ERN1: variants seen among roughly 807,000 people sequenced by gnomAD.
ERN1 encodes the protein serine/threonine-protein kinase/endoribonuclease IRE1.
A neutral mutation model predicts 113.1 loss-of-function variants in ERN1; 39 were observed. The ratio of observed to expected loss-of-function variants is 0.34; its 90% CI spans 0.27 to 0.45. The LOEUF (loss-of-function observed/expected upper bound fraction) is 0.45. Among genes scored for constraint, ERN1 ranks in the 20% least tolerant of loss-of-function variants. The probability of loss-of-function intolerance (pLI) is 1.00; values close to 1 mark genes in which losing one functional copy is unlikely to be tolerated. For synonymous variants in ERN1, 507 were observed against 515.9 expected (o/e 0.98, Z 0.23); for missense variants, 976 against 1,274.8 (o/e 0.77, Z 3.57).
At chr17:64,102,771 T>A in intron 1 of ERN1, 1 of 985,312 alleles carries the variant, frequency 1.0e-6, no homozygotes, top group Non-Finnish European at 1.2e-6. Context: ...ACAAGCAACA[T>A]ACCCTACGGC....
At chr17:64,053,599 C>T (rs1430538993) in intron 15 of ERN1, among the ~76,000 whole-genome samples, 1 of 152,130 alleles carries the variant, frequency 6.6e-6, no homozygotes, top group Non-Finnish European at 1.5e-5. Flanking sequence ...AGTAAACCTA[C>T]AAAGGAATCC....
At chr17:64,080,130 T>C (rs1913722043) in intron 3 of ERN1, among the ~76,000 whole-genome samples, 1 of 152,224 alleles carries the variant, frequency 6.6e-6, no homozygotes, top group African/African-American at 2.4e-5. Context: ...GATGGCATGG[T>C]ACATAAACAG....
intron 1 of ERN1, among the ~76,000 whole-genome samples, chr17:64,108,920 C>T (rs1162494399): frequency 3.3e-5 from 5 of 152,064 alleles, no homozygotes; most frequent in African/African-American, 7.2e-5. Context: ...GTCAGGAGTT[C>T]GCGACCAGCC....
chr17:64,128,756 T>G (rs1489362596), intron 1 of ERN1: 2 of 152,108 alleles, frequency 1.3e-5, no homozygotes, highest in Admixed American at 1.3e-4. Flanking sequence ...CAAGTTCTAT[T>G]ATAAAGAGTC....
intron 1 of ERN1, among the ~76,000 whole-genome samples, chr17:64,119,471 C>G (rs1296613775): frequency 6.9e-6 from 1 of 145,592 alleles, no homozygotes; most frequent in Non-Finnish European, 1.5e-5. Flanking sequence ...TCACTGCAAC[C>G]TCTGCCTCCT....
At chr17:64,117,351 G>A (rs1367904473) in intron 1 of ERN1, among the ~76,000 whole-genome samples, 1 of 151,432 alleles carries the variant, frequency 6.6e-6, no homozygotes, top group Non-Finnish European at 1.5e-5. Context: ...GCTGAAGCAC[G>A]AAAATCACTT....
At chr17:64,116,654 A>C (rs1251491139) in intron 1 of ERN1, among the ~76,000 whole-genome samples, 1 of 149,674 alleles carries the variant, frequency 6.7e-6, no homozygotes, top group African/African-American at 2.5e-5. Flanking sequence ...AAAAAAAAAT[A>C]ACACACACAC....
Position 64,075,203 on chromosome 17 carries a change from G to T in ERN1, c.327C>A (p.Cys109Ter). 6.5e-7 allele frequency: 1 copy of T among 1,529,450 alleles called. No homozygotes were observed. The highest frequency in any genetic ancestry group is 8.8e-7 in the Non-Finnish European group (1 of 1,138,464). The allele number at this position is 1,529,450 out of a possible 1,614,324, so 94.7% of individuals were successfully genotyped here. ...TGTAGAGGATTCCATCTGAACTTCGGCATGGGGATGCCTGCACCAATTCTG... is the reference window on the plus strand; with the variant it reads ...TGTAGAGGATTCCATCTGAACTTCGTCATGGGGATGCCTGCACCAATTCTG... Reference protein sequence around the residue: ...TIPELVQASPCRSSDGILYMG... With the variant: ...TIPELVQASP The change falls in exon 5 of 22, where the codon TGC becomes TGA. Residue 109 changes from cysteine (C) to a stop codon, truncating the protein, a stop_gained. Transcript: ENST00000433197. LOFTEE classifies it high-confidence loss of function.
At chr17:64,097,583 T>C (rs776896420) in intron 2 of ERN1, among the ~76,000 whole-genome samples, 2 of 152,144 alleles carry the variant, frequency 1.3e-5, no homozygotes, top group Non-Finnish European at 2.9e-5. Context: ...ACCAGGAAGA[T>C]CAGATCATAA....
chr17:64,077,903 A>C (rs1055802798), intron 4 of ERN1, among the ~76,000 whole-genome samples: 1 of 151,988 alleles, frequency 6.6e-6, no homozygotes, highest in African/African-American at 2.4e-5. Flanking sequence ...CCGCCACCGC[A>C]CCTGGCTAAT....
chr17:64,071,666 C>A (rs929716323), intron 6 of ERN1, among the ~76,000 whole-genome samples: 2 of 152,174 alleles, frequency 1.3e-5, no homozygotes, highest in African/African-American at 2.4e-5. Flanking sequence ...AGGTGATCCA[C>A]CTGCCTCGGC....
At chr17:64,061,585 T>C (rs1913055606) in intron 10 of ERN1, among the ~76,000 whole-genome samples, 1 of 152,204 alleles carries the variant, frequency 6.6e-6, no homozygotes. Flanking sequence ...TACAACATAA[T>C]ATCATTCTTT....
intron 10 of ERN1, among the ~76,000 whole-genome samples, chr17:64,061,129 T>C (rs196936): frequency 0.96 from 146,205 of 152,264 alleles, 70,495 homozygotes; most frequent in East Asian, 1. Context: ...GGCCATAGCT[T>C]GCTCCACGTT....
chr17:64,071,627 G>A (rs778721313), intron 6 of ERN1, among the ~76,000 whole-genome samples: 1 of 152,088 alleles, frequency 6.6e-6, no homozygotes, highest in African/African-American at 2.4e-5. Context: ...TCGCCATGTT[G>A]GTCAGGCTGG....
At chr17:64,101,141 A>G (rs894070970) in intron 1 of ERN1, among the ~76,000 whole-genome samples, 2 of 152,178 alleles carry the variant, frequency 1.3e-5, no homozygotes, top group Non-Finnish European at 2.9e-5. Flanking sequence ...GTGGTGACTC[A>G]TGACTACATG....
At chr17:64,089,584 C>A (rs1400310021) in intron 2 of ERN1, among the ~76,000 whole-genome samples, 1 of 152,118 alleles carries the variant, frequency 6.6e-6, no homozygotes, top group East Asian at 1.9e-4. Context: ...AAGGGATATT[C>A]AACCTGTACA....
intron 1 of ERN1, among the ~76,000 whole-genome samples, chr17:64,114,389 G>C (rs1914751958): frequency 6.6e-6 from 1 of 152,208 alleles, no homozygotes; most frequent in Non-Finnish European, 1.5e-5. Context: ...TGTGATGGTG[G>C]GGGAAGCACA....
chr17:64,077,955 G>C (rs1913649727), intron 4 of ERN1, among the ~76,000 whole-genome samples: 1 of 151,872 alleles, frequency 6.6e-6, no homozygotes, highest in South Asian at 2.1e-4. Flanking sequence ...CCATGGTCTC[G>C]ATCTCCTGAC....
chr17:64,075,127 G>C lies in ERN1; in HGVS notation c.355+48C>G, dbSNP rs372090447. On this transcript the variant is annotated intron_variant, in intron 5 of 21. Coordinates refer to ENST00000433197, the MANE Select transcript of ERN1 (RefSeq NM_001433.5). ...TCCGCATGCCACTTTCCCAGATTCC[G>C]GGACTTACATCAAAGAGACACAAGT... 16 of 1,441,134 alleles carry C rather than the reference G, an allele frequency of 1.1e-5. No individual in the cohort carries two copies. The African/African-American group carries it at 2.0e-4, about 18-fold the overall frequency. 89.3% of individuals were successfully genotyped at this position (1,441,134 alleles called of 1,614,324 possible).
Sources: allele counts gnomAD v4.1 joint callset (sites outside exome capture counted in the v4.1 genomes callset), GRCh38; gene constraint gnomAD v4.1.1; transcripts MANE v1.5; gene names NCBI Gene and HGNC (gene_info 2026-07-23, HGNC 2026-07-21).